Variants in MAP3K5 observed in about 807,000 individuals in gnomAD.
MAP3K5 encodes ASK-1.
A neutral mutation model predicts 158.7 loss-of-function variants in MAP3K5; 56 were observed. The ratio of observed to expected loss-of-function variants is 0.35; its 90% CI spans 0.28 to 0.44. MAP3K5 has a LOEUF of 0.44. Among genes scored for constraint, MAP3K5 ranks in the 20% least tolerant of loss-of-function variants. MAP3K5 has a pLI of 1.00. For missense variants in MAP3K5, 1,294 were observed against 1,674.8 expected (o/e 0.77, Z 3.97); for synonymous variants, 579 against 601.7 (o/e 0.96, Z 0.55).
In MAP3K5 at chr6:136,780,338, T is replaced by C. The variant is rs62422137; in HGVS notation, c.448+11372A>G. Among the ~76,000 whole-genome samples, 265 of 152,382 alleles carry C rather than the reference T, an allele frequency of 1.7e-3. 1 individual carries two copies. Among genetic ancestry groups the C allele is most frequent in the Middle Eastern group, 0.01 (3 of 294 alleles). ...TAGATGACTCCAACATTTATACTTA[T>C]AGAATTGCCTTACAAAATATTAACC... On this transcript the variant is annotated intron_variant, in intron 1 of 29. Transcript: ENST00000359015.
intron 8 of MAP3K5, among the ~76,000 whole-genome samples, chr6:136,663,556 C>T (rs1779097543): frequency 6.6e-6 from 1 of 151,264 alleles, no homozygotes; most frequent in South Asian, 2.1e-4. Flanking sequence ...AACCAGAATC[C>T]AATCAAGGAA....
chr6:136,667,402 T>A (rs1428818665), intron 8 of MAP3K5, among the ~76,000 whole-genome samples: 3 of 152,086 alleles, frequency 2.0e-5, no homozygotes, highest in South Asian at 2.1e-4. Flanking sequence ...ATGTACCTTC[T>A]CCGATTTCAC....
intron 1 of MAP3K5, among the ~76,000 whole-genome samples, chr6:136,724,718 T>C (rs1781893887): frequency 6.6e-6 from 1 of 152,228 alleles, no homozygotes; most frequent in Non-Finnish European, 1.5e-5. Context: ...AGGTTGGCTT[T>C]TTTCTATTTC....
At chr6:136,560,278 G>A (rs117725989) in intron 28 of MAP3K5, among the ~76,000 whole-genome samples, 2,632 of 152,098 alleles carry the variant, frequency 0.017, 32 homozygotes, top group Non-Finnish European at 0.027. Context: ...GCCAGGGTTC[G>A]AGACCACCCT....
intron 7 of MAP3K5, among the ~76,000 whole-genome samples, chr6:136,677,188 A>C (rs532874037): frequency 1.6e-5 from 2 of 122,306 alleles, no homozygotes; most frequent in East Asian, 4.7e-4. Context: ...CTCAGGCTGG[A>C]GTGTAGTGGC....
At chr6:136,674,725 A>G (rs1224907546) in intron 7 of MAP3K5, among the ~76,000 whole-genome samples, 2 of 151,978 alleles carry the variant, frequency 1.3e-5, no homozygotes, top group African/African-American at 4.8e-5. Flanking sequence ...GGCACACTGT[A>G]AATACAAGTT....
chr6:136,604,038 T>C (rs944226087), intron 19 of MAP3K5, among the ~76,000 whole-genome samples: 3 of 152,196 alleles, frequency 2.0e-5, no homozygotes, highest in African/African-American at 7.2e-5. Context: ...AAAAGTCCTC[T>C]CAGGCCAAAC....
intron 4 of MAP3K5, 130 bp from the exon 5 acceptor site, chr6:136,697,517 CA>C: frequency 1.6e-6 from 1 of 636,976 alleles, no homozygotes; most frequent in East Asian, 3.0e-5. Context: ...TCAGTTCATT[CA>C]GATGCCTAAA....
intron 21 of MAP3K5, among the ~76,000 whole-genome samples, chr6:136,598,744 T>C (rs1775741366): frequency 6.6e-6 from 1 of 152,126 alleles, no homozygotes; most frequent in Non-Finnish European, 1.5e-5. Flanking sequence ...GAAACACATA[T>C]ATGGCCTATA....
intron 26 of MAP3K5, among the ~76,000 whole-genome samples, chr6:136,563,586 T>G (rs576205234): frequency 3.3e-5 from 5 of 152,140 alleles, no homozygotes; most frequent in Non-Finnish European, 5.9e-5. Context: ...CTAGTTGGCA[T>G]CTGATGCAGT....
At chr6:136,604,411 A>T (rs138562811) in intron 19 of MAP3K5, among the ~76,000 whole-genome samples, 1,923 of 152,206 alleles carry the variant, frequency 0.013, 49 homozygotes, top group African/African-American at 0.043. Flanking sequence ...GGGAGCACAA[A>T]AAATAAATAA....
At chr6:136,683,630 G>A (rs1035995903) in intron 7 of MAP3K5, among the ~76,000 whole-genome samples, 4 of 152,130 alleles carry the variant, frequency 2.6e-5, no homozygotes, top group Non-Finnish European at 5.9e-5. Context: ...ACTCATCTAC[G>A]CAAGTGTTAA....
At chr6:136,751,572 G>C (rs569241602) in intron 1 of MAP3K5, among the ~76,000 whole-genome samples, 1 of 152,144 alleles carries the variant, frequency 6.6e-6, no homozygotes, top group African/African-American at 2.4e-5. Flanking sequence ...TGAATTAAAC[G>C]CTCCCTTCCC....
At chr6:136,706,201 G>A (rs1781069035) in intron 2 of MAP3K5, among the ~76,000 whole-genome samples, 1 of 152,132 alleles carries the variant, frequency 6.6e-6, no homozygotes, top group Non-Finnish European at 1.5e-5. Flanking sequence ...AAGAGGCGGA[G>A]GCTGCGGCGA....
chr6:136,592,286 C>G lies in MAP3K5; in HGVS notation c.3112G>C (p.Asp1038His). Residue 1038 changes from aspartate to histidine, a missense_variant, in exon 23 of 30, where the codon GAT (aspartate) becomes CAT (histidine). Asp to His is a moderately conservative substitution (Grantham distance 81, BLOSUM62 -1). Around this residue, in one of 5 missense-constraint regions of MAP3K5, gnomAD observed 362 missense variants for 463.2 expected, o/e 0.78. Transcript: ENST00000359015. Reference protein sequence around the residue: ...HSAPPSPEEKDSGFFMLRKDS... With the variant: ...HSAPPSPEEKHSGFFMLRKDS... ...TTCCTCAGCATGAAGAATCCAGAAT[C>G]TTTTTCTTCAGGGGAAGGAGGAGCA... 6.2e-7 allele frequency: 1 copy of G among 1,609,670 alleles called. No individual in the cohort carries two copies. The highest frequency in any genetic ancestry group is 8.5e-7 in the Non-Finnish European group (1 of 1,178,084).
chr6:136,739,193 G>T (rs779336085), intron 1 of MAP3K5, among the ~76,000 whole-genome samples: 4 of 152,134 alleles, frequency 2.6e-5, no homozygotes, highest in Non-Finnish European at 4.4e-5. Flanking sequence ...AGAAGTAAAT[G>T]TGGCCTATCA....
intron 7 of MAP3K5, among the ~76,000 whole-genome samples, chr6:136,672,981 C>A: frequency 7.4e-6 from 1 of 134,534 alleles, no homozygotes; most frequent in Non-Finnish European, 1.5e-5. Context: ...CAGAGAAAGA[C>A]TCTATCTCAA....
At chr6:136,658,087 G>A (rs1177077047) in intron 9 of MAP3K5, among the ~76,000 whole-genome samples, 1 of 152,096 alleles carries the variant, frequency 6.6e-6, no homozygotes, top group Non-Finnish European at 1.5e-5. Context: ...CTGAACATGA[G>A]GAAAATTCTT....
chr6:136,626,331 G>C (rs1336679729), intron 14 of MAP3K5, among the ~76,000 whole-genome samples: 1 of 152,206 alleles, frequency 6.6e-6, no homozygotes, highest in Non-Finnish European at 1.5e-5. Flanking sequence ...CTCTGGAAGG[G>C]AGATGACTAC....
Sources: allele counts gnomAD v4.1 joint callset (sites outside exome capture counted in the v4.1 genomes callset), GRCh38; gene constraint gnomAD v4.1.1; regional missense constraint gnomAD v4.1.1; transcripts MANE v1.5; gene names NCBI Gene and HGNC (gene_info 2026-07-23, HGNC 2026-07-21).